The following MAF variants were observed in gnomAD, a reference collection of about 807,000 sequenced individuals.
The protein encoded by MAF is MAF bZIP transcription factor, also known as transcription factor Maf.
MAF carries 10 observed loss-of-function variants against 22.0 expected under a neutral mutation model. The observed-to-expected ratio is 0.45, with a 90% CI of 0.28 to 0.77. MAF has a LOEUF of 0.77. MAF is among the 30% of genes least tolerant of loss of function. The pLI is 0.12. For missense variants in MAF, 544 were observed against 548.4 expected, an observed-to-expected ratio of 0.99 and a Z score of 0.08; for synonymous variants, 337 against 255.8, an observed-to-expected ratio of 1.32 and a Z score of -3.03.
chr16:79,338,402 T>G, the MAF span, among the ~76,000 whole-genome samples: 1 of 152,170 alleles, frequency 6.6e-6, no homozygotes. Flanking sequence ...CAGATTTGCT[T>G]TTTAGAAATG....
intron 1 of MAF, chr16:79,597,798 G>T: frequency 1.0e-6 from 1 of 983,490 alleles, no homozygotes; most frequent in African/African-American, 1.9e-5. Context: ...CCAGCATGCA[G>T]GCTTTTTTTT....
chr16:79,556,096 A>T, the MAF span, among the ~76,000 whole-genome samples: 1 of 152,226 alleles, frequency 6.6e-6, no homozygotes, highest in African/African-American at 2.4e-5. Flanking sequence ...ATATAATTTA[A>T]TTTTAAATAA....
At chr16:79,503,605 A>G in the MAF span, among the ~76,000 whole-genome samples, 5,886 of 152,088 alleles carry the variant, frequency 0.039, 369 homozygotes, top group African/African-American at 0.13. Flanking sequence ...CTCTGACTCT[A>G]CTCTCCAGAG....
the MAF span, among the ~76,000 whole-genome samples, chr16:79,575,524 C>T: frequency 3.9e-5 from 6 of 152,150 alleles, no homozygotes; most frequent in Non-Finnish European, 5.9e-5. Flanking sequence ...AGAATTGGAG[C>T]TTAGAGACTC....
chr16:79,371,875 G>A, the MAF span, among the ~76,000 whole-genome samples: 3 of 152,214 alleles, frequency 2.0e-5, no homozygotes, highest in Non-Finnish European at 2.9e-5. Flanking sequence ...GCAGAGAGGA[G>A]TTTAAACTCT....
At chr16:79,566,520 C>G in the MAF span, among the ~76,000 whole-genome samples, 1 of 152,222 alleles carries the variant, frequency 6.6e-6, no homozygotes, top group Non-Finnish European at 1.5e-5. Context: ...GCTAACCAAA[C>G]CAACCATCTC....
the MAF span, among the ~76,000 whole-genome samples, chr16:79,362,542 C>T: frequency 2.6e-5 from 4 of 152,290 alleles, no homozygotes; most frequent in Middle Eastern, 3.4e-3. Context: ...AAATAGTCCT[C>T]TCATGAGGAA....
At chr16:79,207,662 TTTC>T in the MAF span, among the ~76,000 whole-genome samples, 8 of 152,212 alleles carry the variant, frequency 5.3e-5, no homozygotes, top group African/African-American at 1.7e-4. Context: ...GAATCTCCTC[TTTC>T]TTTTAAATGA....
chr16:79,485,481 T>C, the MAF span, among the ~76,000 whole-genome samples: 1 of 152,216 alleles, frequency 6.6e-6, no homozygotes, highest in African/African-American at 2.4e-5. Context: ...GGACCAGAGC[T>C]GAGTTTTATC....
At chr16:79,299,007 G>A in the MAF span, among the ~76,000 whole-genome samples, 1 of 152,264 alleles carries the variant, frequency 6.6e-6, no homozygotes, top group Non-Finnish European at 1.5e-5. Context: ...CCCTTCTAAG[G>A]AATCCTTCTT....
the MAF span, among the ~76,000 whole-genome samples, chr16:79,559,912 C>G: frequency 6.6e-6 from 1 of 152,100 alleles, no homozygotes; most frequent in South Asian, 2.1e-4. Context: ...ATATCTATGT[C>G]ACCTTTTTTG....
At chr16:79,251,021 T>A in the MAF span, among the ~76,000 whole-genome samples, 1 of 152,212 alleles carries the variant, frequency 6.6e-6, no homozygotes, top group East Asian at 1.9e-4. Context: ...TGCTACATTT[T>A]ATTAGGACTT....
chr16:79,256,237 C>G, the MAF span, among the ~76,000 whole-genome samples: 24 of 151,836 alleles, frequency 1.6e-4, no homozygotes, highest in African/African-American at 5.1e-4. Flanking sequence ...ATCCGCCTGC[C>G]TCGGCCTCCC....
At chr16:79,395,252 A>G in the MAF span, among the ~76,000 whole-genome samples, 3 of 152,172 alleles carry the variant, frequency 2.0e-5, no homozygotes, top group Non-Finnish European at 2.9e-5. Flanking sequence ...GCTGGATCAT[A>G]TTCTGAGGGC....
chr16:79,493,024 C>A, the MAF span, among the ~76,000 whole-genome samples: 1 of 151,388 alleles, frequency 6.6e-6, no homozygotes, highest in Non-Finnish European at 1.5e-5. Context: ...AGTGGCACAA[C>A]CTCAGCTCAC....
chr16:79,533,647 A>G, the MAF span, among the ~76,000 whole-genome samples: 3 of 152,144 alleles, frequency 2.0e-5, no homozygotes, highest in Non-Finnish European at 4.4e-5. Context: ...AATTCCAGAA[A>G]CTGAAGGAGA....
the MAF span, among the ~76,000 whole-genome samples, chr16:79,274,286 C>G: frequency 1.3e-5 from 2 of 149,180 alleles, no homozygotes; most frequent in South Asian, 4.3e-4. Context: ...GAAAAAAGAA[C>G]AAACAATAAA....
chr16:79,497,101 G>T, the MAF span, among the ~76,000 whole-genome samples: 1 of 152,150 alleles, frequency 6.6e-6, no homozygotes, highest in East Asian at 1.9e-4. Context: ...CCACCAAAAT[G>T]CAATGCCAGT....
chr16:79,326,523 C>T, the MAF span, among the ~76,000 whole-genome samples: 9 of 152,300 alleles, frequency 5.9e-5, no homozygotes, highest in South Asian at 1.9e-3. Context: ...GTGAGCACGA[C>T]ATTAAATTTT....
Sources: allele counts gnomAD v4.1 joint callset (sites outside exome capture counted in the v4.1 genomes callset), GRCh38; gene constraint gnomAD v4.1.1; transcripts MANE v1.5; gene names NCBI Gene and HGNC (gene_info 2026-07-23, HGNC 2026-07-21).